The following DOCK7 variants were observed in gnomAD, a reference collection of about 807,000 sequenced individuals.
The protein encoded by DOCK7 is dedicator of cytokinesis protein 7.
In DOCK7, 138 loss-of-function variants were observed where a neutral mutation model predicts 271.0. That is an observed-to-expected ratio of 0.51 (90% CI 0.44 to 0.59). The LOEUF is 0.59. Among genes scored for constraint, DOCK7 ranks in the 20% least tolerant of loss-of-function variants. The pLI, the probability that DOCK7 is intolerant of heterozygous loss-of-function variation, is 0.00. For synonymous variants in DOCK7, 823 were observed against 876.1 expected (o/e 0.94, Z 1.07); for missense variants, 2,066 against 2,592.4 (o/e 0.80, Z 4.41).
chr1:62,663,101 A>C lies in DOCK7; in HGVS notation c.68T>G (p.Ile23Ser). Reference protein sequence around the residue: ...RTVAAEVRKQISGQYSGSPQL... With the variant: ...RTVAAEVRKQSSGQYSGSPQL... ...GGGAGAACCACTATATTGTCCGGAG[A>C]TCTGCTTCCTAACTTCGGCTGCCAC... The change falls in exon 2 of 50, where the codon ATC becomes AGC. Residue 23 changes from isoleucine to serine, a missense_variant. Transcript: ENST00000635253. The C allele has an allele frequency of 6.2e-7, 1 of 1,613,542 alleles. No individual in the cohort carries two copies. Among genetic ancestry groups the C allele is most frequent in the Non-Finnish European group, 8.5e-7 (1 of 1,179,746 alleles).
At chr1:62,530,429 T>G (rs1645139732) in intron 29 of DOCK7, among the ~76,000 whole-genome samples, 1 of 152,224 alleles carries the variant, frequency 6.6e-6, no homozygotes, top group African/African-American at 2.4e-5. Context: ...TTCCCTTCTT[T>G]CTTCAAATAT....
chr1:62,528,334 T>C lies in DOCK7; in HGVS notation c.3782-29A>G, dbSNP rs770559703. Reference sequence around the variant, plus strand: ...AAGAAAAATAATCCAAAAAAATAAATAAAACTGTTTAGCTGAACTAATTCC... The same window carrying C: ...AAGAAAAATAATCCAAAAAAATAAACAAAACTGTTTAGCTGAACTAATTCC... On this transcript the variant is annotated intron_variant, in intron 30 of 49. Transcript: ENST00000635253. 10 of 1,573,960 alleles carry C rather than the reference T, an allele frequency of 6.4e-6. No homozygotes were observed. The South Asian group carries it at 6.9e-5, about 11-fold the overall frequency.
At position 62,457,542 on chromosome 1, in the gene DOCK7, G is replaced by A; in HGVS notation, c.6376C>T (p.His2126Tyr). The change falls in exon 49 of 50, where the codon CAC becomes TAC. Residue 2126 changes from histidine to tyrosine, a missense_variant. His to Tyr is a moderately conservative substitution (Grantham distance 83, BLOSUM62 2). Around this residue, in one of 2 missense-constraint regions of DOCK7, gnomAD observed 652 missense variants for 922.1 expected, o/e 0.71. Coordinates refer to ENST00000635253, the MANE Select transcript of DOCK7 (RefSeq NM_001367561.1). ...ACCACTTAAAAATAAGCATACCTGT[G>A]GCAGGTGACAGGCAATACTGCCTTG... Reference protein sequence around the residue: ...LYKAVLPVTCHRDSFSRMSLR... With the variant: ...LYKAVLPVTCYRDSFSRMSLR... 6.2e-7 allele frequency: 1 copy of A among 1,612,920 alleles called. No individual in the cohort carries two copies. The highest frequency in any genetic ancestry group is 1.3e-5 in the African/African-American group (1 of 74,960).
rs2149340443 is a variant in DOCK7, at chr1:62,513,600, T to C, written c.4126A>G (p.Lys1376Glu). 1.9e-6 allele frequency: 3 copies of C among 1,611,508 alleles called. No individual in the cohort carries two copies. The East Asian group carries it at 6.7e-5, about 36-fold the overall frequency. ...AAGCTATTCATTCGTTCAAACACTT[T>C]TTTCCCCTAAAATGTAAACATTAGA... ...CVSCFEYKGKKVFERMNSLTF... is the reference protein window; with the variant it reads ...CVSCFEYKGKEVFERMNSLTF... The change falls in exon 33 of 50, where the codon AAA becomes GAA. Residue 1376 changes from lysine (K) to glutamate (E), a missense_variant. Coordinates refer to ENST00000635253, the MANE Select transcript of DOCK7 (RefSeq NM_001367561.1).
intron 18 of DOCK7, among the ~76,000 whole-genome samples, chr1:62,576,977 G>C (rs997483158): frequency 6.6e-6 from 1 of 152,080 alleles, no homozygotes; most frequent in African/African-American, 2.4e-5. Flanking sequence ...GTTACAGTAT[G>C]AAAATTCTCC....
chr1:62,525,945 T>C (rs533328446), intron 31 of DOCK7, among the ~76,000 whole-genome samples: 163 of 152,294 alleles, frequency 1.1e-3, no homozygotes, highest in African/African-American at 3.6e-3. Flanking sequence ...AGCAACCTTT[T>C]TTTTCTTTTG....
chr1:62,634,529 A>G, intron 9 of DOCK7: 1 of 288,656 alleles, frequency 3.5e-6, no homozygotes, highest in Non-Finnish European at 6.3e-6. Context: ...ATAAACTACA[A>G]TAATCAAAAC....
chr1:62,563,921 C>T (rs1430583576), intron 18 of DOCK7, among the ~76,000 whole-genome samples: 3 of 127,828 alleles, frequency 2.3e-5, no homozygotes, highest in Non-Finnish European at 4.8e-5. Context: ...CGTTGTAATC[C>T]TAGTCTCTGA....
intron 37 of DOCK7, among the ~76,000 whole-genome samples, chr1:62,498,650 A>C (rs890958894): frequency 1.3e-5 from 2 of 151,388 alleles, no homozygotes. Flanking sequence ...AAAAAAAAAA[A>C]CAAAAAACTG....
chr1:62,485,676 A>G (rs1646272475), intron 43 of DOCK7: 1 of 985,408 alleles, frequency 1.0e-6, no homozygotes, highest in Non-Finnish European at 1.2e-6. Context: ...GACAATAGTA[A>G]AAGTGGGGAG....
rs759247717 is a variant in DOCK7, at chr1:62,504,658, A to C, written c.4736T>G (p.Leu1579Arg). ...RSHASASLYL[L>R]MRQNFEIGNN... ...CCCAATCTCAAAGTTTTGCCTCATT[A>C]GTAGGTAAAGGGAGGCACTGGCGTG... Residue 1579 changes from leucine (L) to arginine (R), a missense_variant, in exon 37 of 50, where the codon CTA (leucine) becomes CGA (arginine). Around this residue, in one of 2 missense-constraint regions of DOCK7, gnomAD observed 652 missense variants for 922.1 expected, o/e 0.71. Transcript: ENST00000635253. 5 of 1,612,870 alleles carry C rather than the reference A, an allele frequency of 3.1e-6. No individual in the cohort carries two copies. Among genetic ancestry groups the C allele is most frequent in the Non-Finnish European group, 4.2e-6 (5 of 1,179,712 alleles).
rs1426717081 is a variant in DOCK7 at position 62,537,953 on chromosome 1, G to GT, written c.3408dup (p.Pro1137ThrfsTer39). On this transcript the variant is annotated frameshift_variant, in exon 28 of 50. Coordinates refer to ENST00000635253, the MANE Select transcript of DOCK7 (RefSeq NM_001367561.1). LOFTEE classifies it high-confidence loss of function. ...GCAGGTGGAGTAAGTAAGCTGCAGGGTAAGTTTAATGTAACATAGTGCTCA... is the reference window on the plus strand; with the variant it reads ...GCAGGTGGAGTAAGTAAGCTGCAGGGTTAAGTTTAATGTAACATAGTGCTCA... The GT allele has an allele frequency of 6.2e-7, 1 of 1,613,880 alleles. No individual in the cohort carries two copies. Among genetic ancestry groups the GT allele is most frequent in the Non-Finnish European group, 8.5e-7 (1 of 1,179,936 alleles).
intron 21 of DOCK7, 28 bp downstream of exon 21, chr1:62,555,797 C>T (rs1366413629): frequency 1.9e-6 from 3 of 1,590,812 alleles, no homozygotes; most frequent in African/African-American, 2.7e-5. Flanking sequence ...TTATGAAAGA[C>T]AGCTTCATAG....
chr1:62,683,652 A>C (rs1361555378), intron 1 of DOCK7, among the ~76,000 whole-genome samples: 1 of 152,162 alleles, frequency 6.6e-6, no homozygotes, highest in Non-Finnish European at 1.5e-5. Context: ...TCAAATAAAA[A>C]GAGTAGGCCA....
chr1:62,644,546 T>C (rs139076463), intron 7 of DOCK7, among the ~76,000 whole-genome samples: 2,312 of 152,288 alleles, frequency 0.015, 25 homozygotes, highest in Non-Finnish European at 0.021. Context: ...GAAATTATGA[T>C]TTCTTAGCAT....
At chr1:62,553,394 G>T (rs1366532331) in intron 21 of DOCK7, among the ~76,000 whole-genome samples, 1 of 4,010 alleles carries the variant, frequency 2.5e-4, no homozygotes, top group Admixed American at 6.3e-3. Context: ...TTAATAGGCA[G>T]GTGCCATTTT....
chr1:62,579,551 C>T (rs962112764), intron 16 of DOCK7, among the ~76,000 whole-genome samples: 1 of 151,432 alleles, frequency 6.6e-6, no homozygotes, highest in Admixed American at 6.6e-5. Context: ...CACAACATAG[C>T]CAGACTCATC....
intron 28 of DOCK7, among the ~76,000 whole-genome samples, chr1:62,536,267 A>T (rs1645343816): frequency 6.6e-6 from 1 of 152,210 alleles, no homozygotes; most frequent in Non-Finnish European, 1.5e-5. Flanking sequence ...AACTCTTCTT[A>T]GCCTTTCAAA....
Position 62,475,532 on chromosome 1 carries a change from G to A in DOCK7, c.5961+175C>T, listed in dbSNP as rs948141543. ...AAATCAACCTTTTAAAGAAAAAGCT[G>A]GGGGTGAATTAGGGTCTTAGAAAAG... On this transcript the variant is annotated intron_variant, in intron 46 of 49. Transcript: ENST00000635253. The A allele has an allele frequency of 4.1e-5, 45 of 1,091,596 alleles. No homozygotes were observed. The African/African-American group carries it at 7.1e-4, about 17-fold the overall frequency. 67.6% of individuals were successfully genotyped at this position (1,091,596 alleles called of 1,614,324 possible). A position where few individuals can be genotyped will look rare whatever the true frequency, so the allele number is the denominator to read the frequency against.
Sources: gnomAD v4.1 joint callset for allele counts (sites outside exome capture counted in the v4.1 genomes callset) on GRCh38, gnomAD v4.1.1 for gene constraint, gnomAD v4.1.1 regional missense constraint, MANE v1.5 for transcripts, NCBI Gene and HGNC (gene_info 2026-07-23, HGNC 2026-07-21) for gene names.